Variants in KCNH8 observed in about 807,000 individuals in gnomAD.
KCNH8 encodes potassium voltage-gated channel subfamily H member 8, also known as voltage-gated delayed rectifier potassium channel KCNH8.
KCNH8 carries 70 observed loss-of-function variants against 103.6 expected under a neutral mutation model. The observed-to-expected ratio is 0.68, with a 90% confidence interval of 0.56 to 0.82. The LOEUF (loss-of-function observed/expected upper bound fraction) is 0.82. KCNH8 is among the 40% of genes least tolerant of loss of function. The pLI is 0.00. For missense variants in KCNH8, 1,217 were observed against 1,329.9 expected (o/e 0.92, Z 1.32); for synonymous variants, 498 against 489.4 (o/e 1.02, Z -0.23).
chr3:19,393,994 G>A (rs536114449), intron 6 of KCNH8, among the ~76,000 whole-genome samples: 1 of 152,132 alleles, frequency 6.6e-6, no homozygotes, highest in South Asian at 2.1e-4. Flanking sequence ...TTTTCTTAGA[G>A]ATAAGAGAAT....
At chr3:19,453,831 A>G (rs2067488062) in intron 10 of KCNH8, among the ~76,000 whole-genome samples, 1 of 152,164 alleles carries the variant, frequency 6.6e-6, no homozygotes, top group Non-Finnish European at 1.5e-5. Flanking sequence ...TACCCAGTTT[A>G]CAGTATGGCA....
chr3:19,509,897 A>C (rs2068754513), intron 11 of KCNH8, among the ~76,000 whole-genome samples: 1 of 152,210 alleles, frequency 6.6e-6, no homozygotes, highest in Non-Finnish European at 1.5e-5. Flanking sequence ...AGATTAAATA[A>C]GAAATGATTT....
intron 11 of KCNH8, among the ~76,000 whole-genome samples, chr3:19,458,544 G>C (rs558691071): frequency 6.6e-6 from 1 of 151,902 alleles, no homozygotes; most frequent in African/African-American, 2.4e-5. Flanking sequence ...TTTTGGAATG[G>C]CTAAATCACG....
At chr3:19,510,996 C>T (rs1349282219) in intron 12 of KCNH8, among the ~76,000 whole-genome samples, 1 of 152,050 alleles carries the variant, frequency 6.6e-6, no homozygotes, top group Non-Finnish European at 1.5e-5. Context: ...ATAGGGTTTA[C>T]TTTTTATTTT....
At chr3:19,529,310 T>C (rs1462379159) in intron 15 of KCNH8, among the ~76,000 whole-genome samples, 1 of 152,216 alleles carries the variant, frequency 6.6e-6, no homozygotes, top group African/African-American at 2.4e-5. Context: ...CGTATCTCTT[T>C]GCAGTTAAGT....
chr3:19,170,584 C>CTATATATATATATATATATATATATA (rs113772694), intron 1 of KCNH8, among the ~76,000 whole-genome samples: 23 of 114,032 alleles, frequency 2.0e-4, no homozygotes, highest in African/African-American at 4.5e-4. Flanking sequence ...CTTGGGGCAT[C>CTATATATATATATATATATATATATA]TATATATATA....
intron 3 of KCNH8, among the ~76,000 whole-genome samples, chr3:19,297,267 A>G (rs1399699052): frequency 6.6e-6 from 1 of 152,210 alleles, no homozygotes; most frequent in Non-Finnish European, 1.5e-5. Flanking sequence ...TTTTTTAAGT[A>G]CATGTTCCCT....
chr3:19,415,368 C>G (rs578112565), intron 7 of KCNH8, among the ~76,000 whole-genome samples: 1 of 145,570 alleles, frequency 6.9e-6, no homozygotes, highest in South Asian at 2.2e-4. Context: ...GCTGGGATTT[C>G]TGTCTTCCTT....
chr3:19,191,849 C>T (rs1164359801), intron 1 of KCNH8, among the ~76,000 whole-genome samples: 1 of 151,664 alleles, frequency 6.6e-6, no homozygotes, highest in Non-Finnish European at 1.5e-5. Context: ...CTATAATAAC[C>T]TATTTATGTG....
At position 19,390,513 on chromosome 3, in the gene KCNH8, A is replaced by G. The variant is rs200728386; in HGVS notation, c.844A>G (p.Ser282Gly). ...TTTAAATTTCCGAACAACTTATGTC[A>G]GCAAGTCTGGCCAAGTTATCTTTGA... ...IILNFRTTYV[S>G]KSGQVIFEAR... The change falls in exon 6 of 16, where the codon AGC (serine) becomes GGC (glycine). Residue 282 changes from serine (S) to glycine (G), a missense_variant. By Grantham distance (56) the Ser-to-Gly change is moderately conservative (BLOSUM62 0). Coordinates refer to ENST00000328405, the MANE Select transcript of KCNH8 (RefSeq NM_144633.3). 1.2e-5 allele frequency: 19 copies of G among 1,612,784 alleles called. No individual in the cohort carries two copies. The highest frequency in any genetic ancestry group is 1.6e-5 in the Non-Finnish European group (19 of 1,179,318).
At chr3:19,202,848 A>T (rs1032489270) in intron 1 of KCNH8, among the ~76,000 whole-genome samples, 2 of 152,148 alleles carry the variant, frequency 1.3e-5, no homozygotes, top group African/African-American at 4.8e-5. Context: ...AATGTTGATG[A>T]TAACATGTAA....
At chr3:19,492,447 T>C (rs888854883) in intron 11 of KCNH8, among the ~76,000 whole-genome samples, 6 of 152,192 alleles carry the variant, frequency 3.9e-5, no homozygotes, top group Non-Finnish European at 7.3e-5. Flanking sequence ...TTCCCATTAC[T>C]TATGTTTGTC....
intron 2 of KCNH8, among the ~76,000 whole-genome samples, chr3:19,256,801 G>T (rs1467662546): frequency 6.6e-6 from 1 of 152,034 alleles, no homozygotes; most frequent in Non-Finnish European, 1.5e-5. Context: ...ATCATTAAAG[G>T]CACCAGTTCC....
chr3:19,211,421 G>A (rs773103705), intron 1 of KCNH8, among the ~76,000 whole-genome samples: 5 of 152,108 alleles, frequency 3.3e-5, no homozygotes, highest in Non-Finnish European at 5.9e-5. Context: ...GAAGGATTGG[G>A]ATAAACTAAA....
intron 1 of KCNH8, among the ~76,000 whole-genome samples, chr3:19,170,663 C>G (rs1575411141): frequency 8.0e-6 from 1 of 125,032 alleles, no homozygotes; most frequent in Non-Finnish European, 1.7e-5. Flanking sequence ...CATATATACA[C>G]ACATATATAT....
chr3:19,354,984 T>C (rs986731114), intron 5 of KCNH8, among the ~76,000 whole-genome samples: 1 of 152,218 alleles, frequency 6.6e-6, no homozygotes, highest in African/African-American at 2.4e-5. Context: ...TCTGCCCATC[T>C]GACAAAGGGC....
chr3:19,399,259 CTT>C (rs1300465049), intron 7 of KCNH8, among the ~76,000 whole-genome samples: 1 of 151,910 alleles, frequency 6.6e-6, no homozygotes, highest in East Asian at 1.9e-4. Context: ...AGAAGGATCT[CTT>C]TGCAGGGAGT....
At chr3:19,445,023 A>G (rs994845674) in intron 8 of KCNH8, among the ~76,000 whole-genome samples, 1 of 151,990 alleles carries the variant, frequency 6.6e-6, no homozygotes, top group Admixed American at 6.6e-5. Context: ...TTCAGGTTAT[A>G]TACACAGATG....
chr3:19,436,191 G>A (rs948878829), intron 7 of KCNH8, among the ~76,000 whole-genome samples: 1 of 151,948 alleles, frequency 6.6e-6, no homozygotes, highest in Non-Finnish European at 1.5e-5. Context: ...ATTATTTTAT[G>A]ATACCTTTTG....
Sources: allele counts gnomAD v4.1 joint callset (sites outside exome capture counted in the v4.1 genomes callset), GRCh38; gene constraint gnomAD v4.1.1; transcripts MANE v1.5; gene names NCBI Gene and HGNC (gene_info 2026-07-23, HGNC 2026-07-21).